The following ABCA12 variants were observed in gnomAD, a reference collection of about 807,000 sequenced individuals.
ABCA12 encodes the protein ATP binding cassette subfamily A member 12.
Under a neutral mutation model 293.5 loss-of-function variants are expected in ABCA12, and 156 were observed. The observed-to-expected ratio is 0.53, with a 90% CI of 0.47 to 0.61. ABCA12 has a LOEUF of 0.61. Ranked by LOEUF, ABCA12 falls within the 20% of genes least tolerant of loss-of-function variation. The pLI is 0.00. For synonymous variants in ABCA12, 1,063 were observed against 1,108.0 expected (o/e 0.96, Z 0.81); for missense variants, 2,797 against 3,090.2 (o/e 0.91, Z 2.25).
intron 45 of ABCA12, among the ~76,000 whole-genome samples, chr2:214,950,047 T>C (rs1022080487): frequency 6.6e-6 from 1 of 152,066 alleles, no homozygotes; most frequent in Admixed American, 6.5e-5. Flanking sequence ...GGGGAAAAAA[T>C]CATCTGTACT....
chr2:214,986,684 C>A lies in ABCA12; in HGVS notation c.4021G>T (p.Asp1341Tyr), dbSNP rs1283205096. 3 of 1,613,962 alleles carry A rather than the reference C, an allele frequency of 1.9e-6. No individual in the cohort carries two copies. The African/African-American group carries it at 4.0e-5, about 22-fold the overall frequency. Residue 1341 changes from aspartate (D) to tyrosine (Y), a missense_variant, in exon 28 of 53, where the codon GAT becomes TAT. By Grantham distance (160) the Asp-to-Tyr change is radical. Transcript: ENST00000272895. ...FSSNIEPEPK[D>Y]LTVGVALHGV... is the part of the protein sequence containing the mutation. Reference sequence around the variant, plus strand: ...TGCAGGGCAACCCCGACTGTGAGATCTTTAGGTTCAGGCTCGATGTTAGAG... The same window carrying A: ...TGCAGGGCAACCCCGACTGTGAGATATTTAGGTTCAGGCTCGATGTTAGAG...
At chr2:215,023,522 C>T (rs1307405677) in intron 11 of ABCA12, 1 of 152,168 alleles carries the variant, frequency 6.6e-6, no homozygotes, top group Admixed American at 6.5e-5. Context: ...AGCCCCAGTC[C>T]CATCCTATTA....
chr2:215,132,716 G>A (rs1157184790), intron 1 of ABCA12, among the ~76,000 whole-genome samples: 1 of 151,794 alleles, frequency 6.6e-6, no homozygotes, highest in Non-Finnish European at 1.5e-5. Context: ...TTTTAAGCAG[G>A]GCATTGAGGC....
intron 2 of ABCA12, among the ~76,000 whole-genome samples, chr2:215,097,540 C>T (rs915893097): frequency 2.0e-5 from 3 of 152,112 alleles, no homozygotes; most frequent in African/African-American, 7.2e-5. Flanking sequence ...GTGTGCACAG[C>T]TGGGTGCTAG....
chr2:215,069,116 C>A (rs1013194398), intron 2 of ABCA12, among the ~76,000 whole-genome samples: 1 of 151,726 alleles, frequency 6.6e-6, no homozygotes. Flanking sequence ...TTTTATATTT[C>A]CAGGTGAAAG....
At position 215,131,352 on chromosome 2, in the gene ABCA12, T is replaced by A. The variant is rs548203721; in HGVS notation, c.69+6788A>T. On this transcript the variant is annotated intron_variant, in intron 1 of 52. Transcript: ENST00000272895. ...ACATCTGGTAAAATTTGGCCATGAATCCATCTTGTCCTGGGCTTTTTTTAT... is the reference window on the plus strand; with the variant it reads ...ACATCTGGTAAAATTTGGCCATGAAACCATCTTGTCCTGGGCTTTTTTTAT... Among the ~76,000 whole-genome samples the A allele has an allele frequency of 4.6e-5, 7 of 152,220 alleles. No individual in the cohort carries two copies. The South Asian group carries it at 8.3e-4, about 18-fold the overall frequency.
At chr2:215,103,539 G>A (rs561573151) in intron 2 of ABCA12, among the ~76,000 whole-genome samples, 1 of 151,968 alleles carries the variant, frequency 6.6e-6, no homozygotes, top group Non-Finnish European at 1.5e-5. Flanking sequence ...CACAAGTGCT[G>A]GGATTATAGG....
At chr2:215,115,222 G>A (rs1374385294) in intron 1 of ABCA12, among the ~76,000 whole-genome samples, 1 of 152,156 alleles carries the variant, frequency 6.6e-6, no homozygotes, top group Non-Finnish European at 1.5e-5. Flanking sequence ...GAACATTTCT[G>A]CATACTGCAT....
At chr2:215,027,295 G>A (rs1389128973) in intron 9 of ABCA12, among the ~76,000 whole-genome samples, 3 of 151,918 alleles carry the variant, frequency 2.0e-5, no homozygotes, top group Non-Finnish European at 4.4e-5. Flanking sequence ...GCAGTGAGTC[G>A]AGATCGCGCC....
intron 1 of ABCA12, among the ~76,000 whole-genome samples, chr2:215,123,249 C>G (rs933331722): frequency 6.6e-6 from 1 of 152,146 alleles, no homozygotes; most frequent in Non-Finnish European, 1.5e-5. Context: ...TCTCGGCTCA[C>G]TGCAACCTCC....
At chr2:215,025,153 T>C (rs549524401) in intron 11 of ABCA12, among the ~76,000 whole-genome samples, 72 of 152,216 alleles carry the variant, frequency 4.7e-4, no homozygotes, top group Non-Finnish European at 9.0e-4. Context: ...TTTTCAAATC[T>C]CTTTCAAATT....
intron 34 of ABCA12, among the ~76,000 whole-genome samples, chr2:214,975,380 T>C (rs980335293): frequency 6.6e-6 from 1 of 152,252 alleles, no homozygotes; most frequent in Non-Finnish European, 1.5e-5. Flanking sequence ...ATTCACCTAA[T>C]TGTCACATGC....
intron 33 of ABCA12, among the ~76,000 whole-genome samples, chr2:214,977,238 C>T (rs1405046803): frequency 6.6e-6 from 1 of 152,182 alleles, no homozygotes; most frequent in Non-Finnish European, 1.5e-5. Context: ...ATGAAGGGAA[C>T]ATTTGGACTG....
chr2:215,101,484 T>C lies in ABCA12; in HGVS notation c.163+10113A>G, dbSNP rs116098079. 2.3e-3 allele frequency among the ~76,000 whole-genome samples: 351 copies of C among 152,264 alleles called. 1 individual carries two copies. The highest frequency in any genetic ancestry group is 4.4e-3 in the Non-Finnish European group (297 of 68,026). On this transcript the variant is annotated intron_variant, in intron 2 of 52. Transcript: ENST00000272895. ...AGCAAACATACTTAGATCATTTTGATTGAGGTAGAGTAGCTGGGTACATCT... is the reference window on the plus strand; with the variant it reads ...AGCAAACATACTTAGATCATTTTGACTGAGGTAGAGTAGCTGGGTACATCT...
chr2:214,965,998 A>G (rs879502288), intron 39 of ABCA12, among the ~76,000 whole-genome samples: 7 of 152,244 alleles, frequency 4.6e-5, no homozygotes, highest in East Asian at 1.9e-4. Context: ...ATGTCCATCA[A>G]TGACAGACTG....
At position 215,083,921 on chromosome 2, in the gene ABCA12, A is replaced by T. The variant is rs189292091; in HGVS notation, c.164-19702T>A. On this transcript the variant is annotated intron_variant, in intron 2 of 52. Coordinates refer to ENST00000272895, the MANE Select transcript of ABCA12 (RefSeq NM_173076.3). ...TGTGATTTTCAAGTTTATTATTATGAAGTTTCTCTTTCTTCCTTTTATCTT... is the reference window on the plus strand; with the variant it reads ...TGTGATTTTCAAGTTTATTATTATGTAGTTTCTCTTTCTTCCTTTTATCTT... Among the ~76,000 whole-genome samples, 393 of 152,172 alleles carry T rather than the reference A, an allele frequency of 2.6e-3. 2 individuals are homozygous for T. The highest frequency in any genetic ancestry group is 6.0e-3 in the Admixed American group (91 of 15,282).
chr2:214,941,759 G>GAGAC (rs1698410408), intron 50 of ABCA12, among the ~76,000 whole-genome samples: 1 of 150,236 alleles, frequency 6.7e-6, no homozygotes, highest in African/African-American at 2.4e-5. Context: ...TGTTTTATCA[G>GAGAC]AGACTAGGAT....
chr2:215,111,194 G>A (rs1253925384), intron 2 of ABCA12, among the ~76,000 whole-genome samples: 1 of 152,178 alleles, frequency 6.6e-6, no homozygotes, highest in Non-Finnish European at 1.5e-5. Context: ...GAAGGGATTT[G>A]TATACTACTC....
chr2:215,130,229 C>T (rs1703024421), intron 1 of ABCA12, among the ~76,000 whole-genome samples: 1 of 142,006 alleles, frequency 7.0e-6, no homozygotes, highest in Non-Finnish European at 1.5e-5. Context: ...TCTATGTAAA[C>T]TTTAGGATTT....
Sources: allele counts gnomAD v4.1 joint callset (sites outside exome capture counted in the v4.1 genomes callset), GRCh38; gene constraint gnomAD v4.1.1; transcripts MANE v1.5; gene names NCBI Gene and HGNC (gene_info 2026-07-23, HGNC 2026-07-21).